Variants in PARD3 observed in about 807,000 individuals in gnomAD.
PARD3 encodes partitioning defective 3 homolog.
Under a neutral mutation model 155.4 loss-of-function variants are expected in PARD3, and 75 were observed. The ratio of observed to expected loss-of-function variants is 0.48; its 90% CI spans 0.40 to 0.58. The LOEUF is 0.58. PARD3 is among the 20% of genes least tolerant of loss of function. The probability of loss-of-function intolerance (pLI) is 0.00; values close to 1 mark genes in which losing one functional copy is unlikely to be tolerated. For synonymous variants in PARD3, 576 were observed against 610.5 expected (o/e 0.94, Z 0.83); for missense variants, 1,642 against 1,721.7 (o/e 0.95, Z 0.82).
At position 34,625,107 on chromosome 10, in the gene PARD3, C is replaced by T. The variant is rs150375607; in HGVS notation, c.222+71211G>A. ...GGGCATAAAAACCATGTTAACAGTC[C>T]CCAATGTTGTCAAGGATCTATAAGA... On this transcript the variant is annotated intron_variant, in intron 2 of 24. Coordinates refer to ENST00000374788, the MANE Select transcript of PARD3 (RefSeq NM_001184785.2). 6.6e-5 allele frequency among the ~76,000 whole-genome samples: 10 copies of T among 152,290 alleles called. No individual in the cohort carries two copies. In the East Asian group the frequency reaches 1.9e-3, roughly 29 times the overall value.
At chr10:34,334,848 A>C (rs1020134920) in intron 18 of PARD3, among the ~76,000 whole-genome samples, 1 of 151,894 alleles carries the variant, frequency 6.6e-6, no homozygotes, top group Non-Finnish European at 1.5e-5. Flanking sequence ...AAAGTTATCT[A>C]ACGCACTGAG....
At chr10:34,737,876 A>G (rs115340191) in intron 1 of PARD3, among the ~76,000 whole-genome samples, 2,140 of 152,306 alleles carry the variant, frequency 0.014, 47 homozygotes, top group African/African-American at 0.049. Context: ...ACACAAGAAC[A>G]CAGCACACCA....
intron 7 of PARD3, among the ~76,000 whole-genome samples, chr10:34,391,508 T>A (rs755840058): frequency 2.6e-5 from 4 of 152,124 alleles, no homozygotes; most frequent in Non-Finnish European, 4.4e-5. Flanking sequence ...AAATCTTAGT[T>A]GAGGGGAGAG....
chr10:34,568,255 T>C (rs1244198611), intron 2 of PARD3, among the ~76,000 whole-genome samples: 2 of 152,222 alleles, frequency 1.3e-5, no homozygotes, highest in East Asian at 3.8e-4. Flanking sequence ...CTAAAGTTAG[T>C]ACTACAAGTG....
intron 3 of PARD3, among the ~76,000 whole-genome samples, chr10:34,482,098 C>T (rs999412001): frequency 2.8e-5 from 4 of 143,398 alleles, no homozygotes; most frequent in Non-Finnish European, 6.0e-5. Context: ...GCAGTGGCAC[C>T]ATCATTGCTC....
chr10:34,524,630 AC>A lies in PARD3; in HGVS notation c.223-7472del, dbSNP rs542777290. On this transcript the variant is annotated intron_variant, in intron 2 of 24. Transcript: ENST00000374788. ...GACCCACCTGCCAAATATAATATAAACCCCTCTTGCTCTACTCTCTATCATG... is the reference window on the plus strand; with the variant it reads ...GACCCACCTGCCAAATATAATATAAACCCTCTTGCTCTACTCTCTATCATG... Among the ~76,000 whole-genome samples the A allele has an allele frequency of 3.2e-3, 492 of 152,136 alleles. 1 individual carries two copies. The highest frequency in any genetic ancestry group is 5.2e-3 in the Non-Finnish European group (352 of 67,980).
chr10:34,329,221 T>G (rs185597834), intron 19 of PARD3, among the ~76,000 whole-genome samples: 1 of 152,204 alleles, frequency 6.6e-6, no homozygotes, highest in African/African-American at 2.4e-5. Flanking sequence ...TATATTCATA[T>G]GTATTCTATC....
At chr10:34,723,581 T>C (rs1189058019) in intron 1 of PARD3, among the ~76,000 whole-genome samples, 1 of 148,792 alleles carries the variant, frequency 6.7e-6, no homozygotes, top group Non-Finnish European at 1.5e-5. Flanking sequence ...CAAACTCTGT[T>C]TGAAAAACCA....
intron 20 of PARD3, among the ~76,000 whole-genome samples, chr10:34,314,942 C>T (rs1164211364): frequency 6.6e-6 from 1 of 152,064 alleles, no homozygotes; most frequent in Non-Finnish European, 1.5e-5. Flanking sequence ...TGGGCTGATT[C>T]CAATAAACCA....
At chr10:34,419,312 T>C (rs910196708) in intron 5 of PARD3, among the ~76,000 whole-genome samples, 2 of 151,392 alleles carry the variant, frequency 1.3e-5, no homozygotes, top group African/African-American at 4.9e-5. Flanking sequence ...AGGTCAGGAG[T>C]TCAAGACCAG....
chr10:34,406,103 T>C (rs1211660171), intron 5 of PARD3, among the ~76,000 whole-genome samples: 2 of 152,172 alleles, frequency 1.3e-5, no homozygotes, highest in Non-Finnish European at 2.9e-5. Flanking sequence ...TGACAAATGA[T>C]GTGGATGATT....
chr10:34,606,182 G>A (rs2090412817), intron 2 of PARD3, among the ~76,000 whole-genome samples: 1 of 74,144 alleles, frequency 1.3e-5, no homozygotes, highest in Admixed American at 1.5e-4. Flanking sequence ...GTGTGTGTGT[G>A]TGTGTGTGTG....
At chr10:34,532,634 T>C (rs895293641) in intron 2 of PARD3, among the ~76,000 whole-genome samples, 1 of 152,244 alleles carries the variant, frequency 6.6e-6, no homozygotes, top group Admixed American at 6.5e-5. Context: ...GGCAGATTCA[T>C]AGATCCTTGT....
At chr10:34,172,827 A>T (rs1949865541) in intron 22 of PARD3, among the ~76,000 whole-genome samples, 1 of 152,200 alleles carries the variant, frequency 6.6e-6, no homozygotes, top group South Asian at 2.1e-4. Context: ...AAAAAGGTAC[A>T]GATAATTGCT....
chr10:34,206,154 G>A (rs1161522622), intron 22 of PARD3, among the ~76,000 whole-genome samples: 1 of 144,066 alleles, frequency 6.9e-6, no homozygotes, highest in East Asian at 1.9e-4. Context: ...GAGAGGCACA[G>A]TGGGAGGTCC....
At chr10:34,457,048 AC>A (rs1233940659) in intron 4 of PARD3, among the ~76,000 whole-genome samples, 6 of 152,230 alleles carry the variant, frequency 3.9e-5, no homozygotes, top group Admixed American at 2.6e-4. Context: ...TCAAGTTGAT[AC>A]ACTGACAAAA....
intron 21 of PARD3, among the ~76,000 whole-genome samples, chr10:34,280,959 C>T (rs1423045209): frequency 1.3e-5 from 2 of 152,140 alleles, no homozygotes; most frequent in African/African-American, 4.8e-5. Flanking sequence ...GTAAACAGAA[C>T]ACATTCTCTG....
chr10:34,142,488 T>C (rs1046479423), intron 22 of PARD3, among the ~76,000 whole-genome samples: 6 of 151,546 alleles, frequency 4.0e-5, no homozygotes, highest in Non-Finnish European at 5.9e-5. Context: ...TGAACCATGA[T>C]TGCACCACTG....
At chr10:34,425,677 G>A (rs774170169) in intron 5 of PARD3, among the ~76,000 whole-genome samples, 51 of 152,152 alleles carry the variant, frequency 3.4e-4, no homozygotes, top group Non-Finnish European at 6.3e-4. Context: ...GATTACAGGC[G>A]CATGTCCCTG....
Sources: gnomAD v4.1 joint callset for allele counts (sites outside exome capture counted in the v4.1 genomes callset) on GRCh38, gnomAD v4.1.1 for gene constraint, MANE v1.5 for transcripts, NCBI Gene and HGNC (gene_info 2026-07-23, HGNC 2026-07-21) for gene names.